The following BCL2 variants were observed in gnomAD, a reference collection of about 807,000 sequenced individuals.
The protein encoded by BCL2 is BCL2 apoptosis regulator.
A neutral mutation model predicts 14.2 loss-of-function variants in BCL2; 1 was observed. The ratio of observed to expected loss-of-function variants is 0.07; its 90% CI spans 0.02 to 0.33. The LOEUF (loss-of-function observed/expected upper bound fraction) is 0.33. Ranked by LOEUF, BCL2 falls within the 10% of genes least tolerant of loss-of-function variation. The pLI, the probability that BCL2 is intolerant of heterozygous loss-of-function variation, is 0.99. For synonymous variants in BCL2, 151 were observed against 137.2 expected (o/e 1.10, Z -0.70); for missense variants, 247 against 305.9 (o/e 0.81, Z 1.44).
In BCL2 at chr18:63,267,186, G is replaced by A. The variant is rs371817234; in HGVS notation, c.585+50896C>T. ...GGATCAGTCACGACAGTTTCTCTGG[G>A]GGTGCTCAGCAACCCATGGAGCATT... On this transcript the variant is annotated intron_variant, in intron 2 of 2. Coordinates refer to ENST00000333681, the MANE Select transcript of BCL2 (RefSeq NM_000633.3). 9.8e-5 allele frequency among the ~76,000 whole-genome samples: 15 copies of A among 152,310 alleles called. 1 individual carries two copies. The East Asian group carries it at 2.9e-3, about 29-fold the overall frequency.
chr18:63,214,713 T>A (rs1010598390), intron 2 of BCL2, among the ~76,000 whole-genome samples: 1 of 152,046 alleles, frequency 6.6e-6, no homozygotes, highest in Admixed American at 6.6e-5. Context: ...ATTTATTTAT[T>A]TATTTATCTA....
chr18:63,246,387 G>C (rs1421774828), intron 2 of BCL2, among the ~76,000 whole-genome samples: 1 of 152,160 alleles, frequency 6.6e-6, no homozygotes, highest in African/African-American at 2.4e-5. Flanking sequence ...TGCTGGTAAA[G>C]ATATACCCAA....
At chr18:63,257,795 C>T (rs1887603836) in intron 2 of BCL2, among the ~76,000 whole-genome samples, 1 of 152,138 alleles carries the variant, frequency 6.6e-6, no homozygotes, top group Non-Finnish European at 1.5e-5. Context: ...GAGAAATAAG[C>T]AATGTCCTTT....
intron 2 of BCL2, among the ~76,000 whole-genome samples, chr18:63,241,005 A>G (rs1910986281): frequency 6.6e-6 from 1 of 152,266 alleles, no homozygotes; most frequent in South Asian, 2.1e-4. Flanking sequence ...ACCAGATAGC[A>G]AATATCTTAA....
chr18:63,249,788 T>G (rs1454808011), intron 2 of BCL2, among the ~76,000 whole-genome samples: 1 of 146,810 alleles, frequency 6.8e-6, no homozygotes, highest in Non-Finnish European at 1.5e-5. Context: ...TGAAGGGACA[T>G]GCCTAAGATG....
intron 2 of BCL2, among the ~76,000 whole-genome samples, chr18:63,294,998 CAAA>C: frequency 7.6e-6 from 1 of 132,394 alleles, no homozygotes; most frequent in African/African-American, 2.9e-5. Context: ...CTGAAAATAC[CAAA>C]AAAAAAAAAA....
chr18:63,245,162 A>C (rs1180265829), intron 2 of BCL2, among the ~76,000 whole-genome samples: 1 of 152,166 alleles, frequency 6.6e-6, no homozygotes, highest in East Asian at 1.9e-4. Context: ...TAATCCCCCA[A>C]GTTGTGTGGT....
At chr18:63,145,183 G>A (rs1256975667) in intron 2 of BCL2, among the ~76,000 whole-genome samples, 1 of 152,224 alleles carries the variant, frequency 6.6e-6, no homozygotes, top group Non-Finnish European at 1.5e-5. Context: ...ATTAAAATAT[G>A]TGGCCCCAGA....
At chr18:63,207,785 G>C (rs898132680) in intron 2 of BCL2, 1 of 152,160 alleles carries the variant, frequency 6.6e-6, no homozygotes, top group African/African-American at 2.4e-5. Flanking sequence ...GTGTAATTTG[G>C]AAACTTCAAA....
chr18:63,242,022 A>T (rs1911017945), intron 2 of BCL2, among the ~76,000 whole-genome samples: 1 of 152,200 alleles, frequency 6.6e-6, no homozygotes, highest in Non-Finnish European at 1.5e-5. Flanking sequence ...CCCGGCTGAC[A>T]TTTTGTGAGA....
rs1236994545 is a variant in BCL2, at chr18:63,158,754, CG to C, written c.586-29996del. Among the ~76,000 whole-genome samples the C allele has an allele frequency of 3.3e-5, 5 of 152,252 alleles. No homozygotes were observed. The East Asian group carries it at 7.7e-4, about 23-fold the overall frequency. On this transcript the variant is annotated intron_variant, in intron 2 of 2. Coordinates refer to ENST00000333681, the MANE Select transcript of BCL2 (RefSeq NM_000633.3). ...ACAAAATGCCAAGAGAAATTTATAG[CG>C]CCGCCTGTCTGCCCACCATTTAGGC...
rs373007879 is a variant in BCL2, at chr18:63,183,949, G to A, written c.586-55190C>T. On this transcript the variant is annotated intron_variant, in intron 2 of 2. Transcript: ENST00000333681. Reference sequence around the variant, plus strand: ...CTCCATTATGCTGTGGAAGGAGCCTGCATGGGGCCCTGCCCTCAAACATAC... The same window carrying A: ...CTCCATTATGCTGTGGAAGGAGCCTACATGGGGCCCTGCCCTCAAACATAC... Among the ~76,000 whole-genome samples, 18 of 152,324 alleles carry A rather than the reference G, an allele frequency of 1.2e-4. No individual in the cohort carries two copies. In the South Asian group the frequency reaches 3.5e-3, roughly 30 times the overall value.
At chr18:63,305,801 G>A (rs1344995966) in intron 2 of BCL2, among the ~76,000 whole-genome samples, 1 of 152,178 alleles carries the variant, frequency 6.6e-6, no homozygotes, top group African/African-American at 2.4e-5. Flanking sequence ...GTCAGGTGAG[G>A]TGACCCATGC....
At chr18:63,202,231 C>T (rs1160626490) in intron 2 of BCL2, among the ~76,000 whole-genome samples, 1 of 152,176 alleles carries the variant, frequency 6.6e-6, no homozygotes, top group African/African-American at 2.4e-5. Context: ...ATCACTTGAA[C>T]TCAGGAGGCG....
chr18:63,179,849 A>G (rs997822248), intron 2 of BCL2, among the ~76,000 whole-genome samples: 2 of 152,206 alleles, frequency 1.3e-5, no homozygotes, highest in African/African-American at 4.8e-5. Flanking sequence ...AGTGTTTAGA[A>G]TGCAGCATAG....
chr18:63,274,787 A>G (rs906645041), intron 2 of BCL2, among the ~76,000 whole-genome samples: 3 of 152,008 alleles, frequency 2.0e-5, no homozygotes, highest in Admixed American at 6.6e-5. Context: ...CCTTCCCCCA[A>G]ATGAAGAAGC....
chr18:63,168,159 T>C (rs1374686469), intron 2 of BCL2, among the ~76,000 whole-genome samples: 1 of 152,124 alleles, frequency 6.6e-6, no homozygotes, highest in African/African-American at 2.4e-5. Flanking sequence ...GTGTCAAGAG[T>C]GCCCATGCCT....
chr18:63,281,697 A>C (rs1298883162), intron 2 of BCL2, among the ~76,000 whole-genome samples: 4 of 148,510 alleles, frequency 2.7e-5, no homozygotes, highest in Admixed American at 2.7e-4. Flanking sequence ...AGAAAGAAAG[A>C]AAGAAAGAAA....
intron 2 of BCL2, among the ~76,000 whole-genome samples, chr18:63,187,974 C>T (rs1187318771): frequency 6.6e-6 from 1 of 152,188 alleles, no homozygotes; most frequent in Admixed American, 6.5e-5. Context: ...GGCCCCTGCT[C>T]ATAGGGCTGG....
Sources: gnomAD v4.1 joint callset for allele counts (sites outside exome capture counted in the v4.1 genomes callset) on GRCh38, gnomAD v4.1.1 for gene constraint, MANE v1.5 for transcripts, NCBI Gene and HGNC (gene_info 2026-07-23, HGNC 2026-07-21) for gene names.